Variants in EYA1 observed in about 807,000 individuals in gnomAD.
EYA1 encodes the protein EYA transcriptional coactivator and phosphatase 1.
Under a neutral mutation model 82.0 loss-of-function variants are expected in EYA1, and 16 were observed. That is an observed-to-expected ratio of 0.20 (90% confidence interval 0.13 to 0.30). The LOEUF (loss-of-function observed/expected upper bound fraction) is 0.30. EYA1 is among the 10% of genes least tolerant of loss of function. The pLI is 1.00. For synonymous variants in EYA1, 261 were observed against 264.4 expected (o/e 0.99, Z 0.12); for missense variants, 633 against 730.7 (o/e 0.87, Z 1.54).
intron 2 of EYA1, among the ~76,000 whole-genome samples, chr8:71,489,735 A>G (rs1004446516): frequency 1.3e-5 from 2 of 152,244 alleles, no homozygotes; most frequent in Admixed American, 1.3e-4. Flanking sequence ...GGCCTGCAAA[A>G]ACTTGCACAT....
chr8:71,354,863 C>A lies in EYA1; in HGVS notation c.43G>T (p.Gly15Cys). 6.2e-7 allele frequency: 1 copy of A among 1,613,688 alleles called. No individual in the cohort carries two copies. The highest frequency in any genetic ancestry group is 8.5e-7 in the Non-Finnish European group (1 of 1,179,702). Residue 15 changes from glycine (G) to cysteine (C), a missense_variant, in exon 3 of 18, where the codon GGT (glycine) becomes TGT (cysteine). Transcript: ENST00000340726. ...GGGCCACTGGGGGATTCACTACTAC[C>A]ACTCAGACGGCTATGCGGGCTGGTT... is the stretch of plus-strand genomic sequence containing the variant. ...DLTSPHSRLS[G>C]SSESPSGPKL...
intron 2 of EYA1, among the ~76,000 whole-genome samples, chr8:71,485,180 C>T (rs1001669340): frequency 2.0e-5 from 3 of 152,140 alleles, no homozygotes; most frequent in Non-Finnish European, 4.4e-5. Context: ...CAAATTCAAA[C>T]TAAGTAACAT....
chr8:71,362,677 T>C (rs1239329252), upstream of EYA1, among the ~76,000 whole-genome samples: 1 of 152,236 alleles, frequency 6.6e-6, no homozygotes, highest in Non-Finnish European at 1.5e-5. Flanking sequence ...AAATCTTCTG[T>C]GAACAATTCC....
At chr8:71,447,194 C>G (rs1002870758) in intron 2 of EYA1, among the ~76,000 whole-genome samples, 1 of 151,916 alleles carries the variant, frequency 6.6e-6, no homozygotes, top group South Asian at 2.1e-4. Context: ...AGACCTTCCT[C>G]CTCTTTGGGG....
At chr8:71,427,335 T>C (rs959308978) in intron 2 of EYA1, among the ~76,000 whole-genome samples, 15 of 152,324 alleles carry the variant, frequency 9.8e-5, no homozygotes, top group African/African-American at 3.6e-4. Flanking sequence ...TGCTGCTTAA[T>C]GACCTGGTTG....
chr8:71,215,259 A>T, intron 16 of EYA1, 128 bp downstream of exon 16: 1 of 916,640 alleles, frequency 1.1e-6, no homozygotes, highest in Non-Finnish European at 1.7e-6. Context: ...CAAATTGGTT[A>T]AATTATTCTT....
chr8:71,523,200 A>G (rs1341926341), intron 2 of EYA1, among the ~76,000 whole-genome samples: 3 of 84,492 alleles, frequency 3.6e-5, no homozygotes, highest in African/African-American at 2.0e-4. Context: ...TTTTTTTGAG[A>G]CGGAGTCTCG....
At chr8:71,343,898 C>CTATAAAAT (rs1825424933) in intron 3 of EYA1, among the ~76,000 whole-genome samples, 1 of 152,070 alleles carries the variant, frequency 6.6e-6, no homozygotes, top group Admixed American at 6.5e-5. Context: ...CAATATTATG[C>CTATAAAAT]TATAAAATTT....
At chr8:71,444,968 T>G (rs1806754539) in intron 2 of EYA1, among the ~76,000 whole-genome samples, 1 of 152,228 alleles carries the variant, frequency 6.6e-6, no homozygotes, top group South Asian at 2.1e-4. Context: ...TCAAACCATG[T>G]GTGAAATTGG....
At chr8:71,319,832 T>C (rs545477681) in intron 6 of EYA1, among the ~76,000 whole-genome samples, 1 of 152,260 alleles carries the variant, frequency 6.6e-6, no homozygotes, top group Non-Finnish European at 1.5e-5. Context: ...TATTTTTCAA[T>C]GCACTGGCCC....
At chr8:71,490,830 A>G (rs1810937598) in intron 2 of EYA1, among the ~76,000 whole-genome samples, 1 of 152,224 alleles carries the variant, frequency 6.6e-6, no homozygotes, top group South Asian at 2.1e-4. Flanking sequence ...TAAAACTTCA[A>G]GATTTTTCAT....
rs182455691 is a variant in EYA1 at position 71,221,995 on chromosome 8, A to T, written c.1141-4972T>A. Among the ~76,000 whole-genome samples the T allele has an allele frequency of 1.1e-4, 16 of 152,268 alleles. 1 individual carries two copies. In the East Asian group the frequency reaches 3.1e-3, roughly 29 times the overall value. On this transcript the variant is annotated intron_variant, in intron 12 of 17. Transcript: ENST00000340726. ...TGCATGGGAACGGGGCGAGCATATA[A>T]AGTCCTAGGATCAAGGTTAAACACC...
Position 71,354,850 on chromosome 8 carries a change from G to T in EYA1, c.56C>A (p.Ser19Tyr). The change falls in exon 3 of 18, where the codon TCC becomes TAC. Residue 19 changes from serine to tyrosine, a missense_variant. By Grantham distance (144) the Ser-to-Tyr change is moderately radical (BLOSUM62 -2). Coordinates refer to ENST00000340726, the MANE Select transcript of EYA1 (RefSeq NM_000503.6). ...GTTACCGAGTTTGGGGCCACTGGGG[G>T]ATTCACTACTACCACTCAGACGGCT... Reference protein sequence around the residue: ...PHSRLSGSSESPSGPKLGNSH... With the variant: ...PHSRLSGSSEYPSGPKLGNSH... The T allele has an allele frequency of 6.2e-7, 1 of 1,613,618 alleles. No individual in the cohort carries two copies. The highest frequency in any genetic ancestry group is 8.5e-7 in the Non-Finnish European group (1 of 1,179,588).
At chr8:71,387,217 G>A (rs1280941727) in intron 2 of EYA1, among the ~76,000 whole-genome samples, 6 of 152,068 alleles carry the variant, frequency 3.9e-5, no homozygotes, top group East Asian at 1.9e-4. Context: ...TACAGGTAAG[G>A]AAGAAACTGA....
At chr8:71,426,316 A>C (rs967997880) in intron 2 of EYA1, among the ~76,000 whole-genome samples, 1 of 152,236 alleles carries the variant, frequency 6.6e-6, no homozygotes, top group Non-Finnish European at 1.5e-5. Context: ...GAATTGTAAG[A>C]GCCAAACAAG....
At chr8:71,461,974 G>T (rs945712897) in intron 2 of EYA1, among the ~76,000 whole-genome samples, 1 of 152,118 alleles carries the variant, frequency 6.6e-6, no homozygotes, top group African/African-American at 2.4e-5. Flanking sequence ...GCTGAGCCTG[G>T]GGCCTCAGAG....
chr8:71,306,474 TA>T (rs1047998505), intron 7 of EYA1, among the ~76,000 whole-genome samples: 1 of 152,000 alleles, frequency 6.6e-6, no homozygotes, highest in Non-Finnish European at 1.5e-5. Flanking sequence ...AGAGAACCCT[TA>T]CAAATGCAAG....
At chr8:71,357,139 C>T (rs3808393) in intron 1 of EYA1, among the ~76,000 whole-genome samples, 47,767 of 152,154 alleles carry the variant, frequency 0.31, 9,989 homozygotes, top group African/African-American at 0.6. Context: ...AGTCACTCCA[C>T]TGAACAATGT....
At chr8:71,390,107 T>C (rs1276462372) in intron 2 of EYA1, among the ~76,000 whole-genome samples, 1 of 152,148 alleles carries the variant, frequency 6.6e-6, no homozygotes, top group Admixed American at 6.5e-5. Flanking sequence ...AAATCTTCCT[T>C]ATATTCCTGA....
Sources: allele counts gnomAD v4.1 joint callset (sites outside exome capture counted in the v4.1 genomes callset), GRCh38; gene constraint gnomAD v4.1.1; transcripts MANE v1.5; gene names NCBI Gene and HGNC (gene_info 2026-07-23, HGNC 2026-07-21).